GPHN: variants seen among roughly 807,000 people sequenced by gnomAD.
The protein encoded by GPHN is gephyrin.
GPHN carries 17 observed loss-of-function variants against 95.5 expected under a neutral mutation model. The ratio of observed to expected loss-of-function variants is 0.18; its 90% CI spans 0.12 to 0.27. GPHN has a LOEUF of 0.27. Among genes scored for constraint, GPHN ranks in the 10% least tolerant of loss-of-function variants. The pLI is 1.00. For synonymous variants in GPHN, 320 were observed against 322.5 expected (o/e 0.99, Z 0.08); for missense variants, 660 against 978.1 (o/e 0.67, Z 4.34).
intron 2 of GPHN, among the ~76,000 whole-genome samples, chr14:66,683,750 G>A (rs959126898): frequency 6.6e-6 from 1 of 151,468 alleles, no homozygotes; most frequent in African/African-American, 2.4e-5. Context: ...GGCCGAGGTG[G>A]GCGGATCATG....
At chr14:67,591,150 T>C in the GPHN span, among the ~76,000 whole-genome samples, 2 of 152,172 alleles carry the variant, frequency 1.3e-5, no homozygotes, top group Admixed American at 1.3e-4. Flanking sequence ...AGAAGATAGG[T>C]AGTTTAAAGT....
At chr14:67,202,970 G>A in the GPHN span, 2 of 1,057,708 alleles carry the variant, frequency 1.9e-6, no homozygotes, top group Admixed American at 2.8e-5. Context: ...GCAAGTGAAG[G>A]AACAAATATA....
At chr14:67,205,076 A>T in the GPHN span, 1 of 1,550,402 alleles carries the variant, frequency 6.4e-7, no homozygotes, top group South Asian at 1.2e-5. Context: ...ATCAGGGCCA[A>T]GCAAGAGGAG....
chr14:67,510,641 G>A, the GPHN span, among the ~76,000 whole-genome samples: 3 of 152,208 alleles, frequency 2.0e-5, no homozygotes, highest in Admixed American at 2.0e-4. Flanking sequence ...TCTTGTCCAT[G>A]TGTGTTTTAA....
At chr14:67,685,231 G>C in the GPHN span, 1 of 1,587,058 alleles carries the variant, frequency 6.3e-7, no homozygotes, top group Non-Finnish European at 8.6e-7. Context: ...TGAAGAGAGG[G>C]TAAGACAGGA....
intron 8 of GPHN, among the ~76,000 whole-genome samples, chr14:66,935,865 T>A (rs2067106531): frequency 6.6e-6 from 1 of 152,130 alleles, no homozygotes; most frequent in Non-Finnish European, 1.5e-5. Context: ...TTTATATATA[T>A]CAGCTCTTTA....
intron 1 of GPHN, among the ~76,000 whole-genome samples, chr14:66,594,908 A>C (rs984767478): frequency 6.6e-6 from 1 of 152,206 alleles, no homozygotes; most frequent in South Asian, 2.1e-4. Context: ...GTGAGACCAT[A>C]TGTCTGATAA....
At chr14:66,565,228 T>G (rs890025558) in intron 1 of GPHN, among the ~76,000 whole-genome samples, 1 of 152,114 alleles carries the variant, frequency 6.6e-6, no homozygotes, top group Non-Finnish European at 1.5e-5. Context: ...CTGAGTGGCT[T>G]TCAACACTGA....
the GPHN span, among the ~76,000 whole-genome samples, chr14:67,284,570 A>C: frequency 2.5e-4 from 28 of 113,952 alleles, no homozygotes; most frequent in South Asian, 2.0e-3. Flanking sequence ...AAAAAAAAAA[A>C]AAAAAAAAAA....
chr14:67,590,975 C>T, the GPHN span, among the ~76,000 whole-genome samples: 1 of 151,466 alleles, frequency 6.6e-6, no homozygotes, highest in Non-Finnish European at 1.5e-5. Flanking sequence ...ATGTTTTACA[C>T]AATGAAATGT....
At chr14:66,571,713 A>T (rs2060698635) in intron 1 of GPHN, among the ~76,000 whole-genome samples, 1 of 152,152 alleles carries the variant, frequency 6.6e-6, no homozygotes, top group African/African-American at 2.4e-5. Flanking sequence ...TGGGAGGCTG[A>T]GGCAGGAGAA....
the GPHN span, among the ~76,000 whole-genome samples, chr14:67,341,997 A>G: frequency 6.6e-6 from 1 of 151,658 alleles, no homozygotes; most frequent in Non-Finnish European, 1.5e-5. Flanking sequence ...CATGCTCGTT[A>G]AGAGTCATCA....
At chr14:67,556,810 G>A in the GPHN span, among the ~76,000 whole-genome samples, 1 of 152,302 alleles carries the variant, frequency 6.6e-6, no homozygotes, top group East Asian at 1.9e-4. Flanking sequence ...CCATTGGTTG[G>A]ATCAATGACA....
chr14:67,155,335 G>A (rs1260462651), intron 18 of GPHN, among the ~76,000 whole-genome samples: 5 of 152,100 alleles, frequency 3.3e-5, no homozygotes, highest in African/African-American at 1.2e-4. Context: ...ATATATCATT[G>A]TCCAAAGCCT....
At chr14:66,953,672 A>G (rs1411130694) in intron 8 of GPHN, among the ~76,000 whole-genome samples, 1 of 152,176 alleles carries the variant, frequency 6.6e-6, no homozygotes, top group African/African-American at 2.4e-5. Flanking sequence ...ATTCTATTCC[A>G]TTAACCTATG....
rs1428722922 is a variant in GPHN at position 66,545,911 on chromosome 14, G to A, written c.64+37320G>A. Among the ~76,000 whole-genome samples the A allele has an allele frequency of 4.0e-5, 6 of 151,262 alleles. No homozygotes were observed. The South Asian group carries it at 8.4e-4, about 21-fold the overall frequency. On this transcript the variant is annotated intron_variant, in intron 1 of 22. Transcript: ENST00000478722. ...GACGGGGCGGCTGGCCTAGCGGTGGGTGACCTCCACCTCCTTCCTGGACGG... is the reference window on the plus strand; with the variant it reads ...GACGGGGCGGCTGGCCTAGCGGTGGATGACCTCCACCTCCTTCCTGGACGG...
intron 9 of GPHN, among the ~76,000 whole-genome samples, chr14:67,018,328 A>G (rs1028261127): frequency 6.6e-6 from 1 of 152,168 alleles, no homozygotes; most frequent in Non-Finnish European, 1.5e-5. Context: ...GAGTTTAGAG[A>G]AAGAAGAAAT....
intron 9 of GPHN, among the ~76,000 whole-genome samples, chr14:67,016,216 G>A (rs1211620294): frequency 6.6e-6 from 1 of 151,910 alleles, no homozygotes; most frequent in Non-Finnish European, 1.5e-5. Context: ...CTTGGTCAAA[G>A]CCTACAGATA....
intron 18 of GPHN, among the ~76,000 whole-genome samples, chr14:67,148,384 C>T (rs1371614702): frequency 6.6e-6 from 1 of 152,024 alleles, no homozygotes; most frequent in Non-Finnish European, 1.5e-5. Context: ...TACTAGAAAC[C>T]AGGGCAAATA....
Sources: allele counts gnomAD v4.1 joint callset (sites outside exome capture counted in the v4.1 genomes callset), GRCh38; gene constraint gnomAD v4.1.1; transcripts MANE v1.5; gene names NCBI Gene and HGNC (gene_info 2026-07-23, HGNC 2026-07-21).